TECTB: variants seen among roughly 807,000 people sequenced by gnomAD.
TECTB encodes the protein beta-tectorin.
A neutral mutation model predicts 43.3 loss-of-function variants in TECTB; 45 were observed. That is an observed-to-expected ratio of 1.04 (90% CI 0.82 to 1.33). The LOEUF is 1.33. TECTB is among the 40% of genes most tolerant of loss of function. The probability of loss-of-function intolerance (pLI) is 0.00; values close to 1 mark genes in which losing one functional copy is unlikely to be tolerated. For synonymous variants in TECTB, 169 were observed against 156.7 expected (o/e 1.08, Z -0.59); for missense variants, 399 against 404.7 (o/e 0.99, Z 0.12).
chr10:112,294,164 C>G, intron 7 of TECTB, 103 bp downstream of exon 7: 1 of 997,970 alleles, frequency 1.0e-6, no homozygotes, highest in Non-Finnish European at 1.6e-6. Context: ...GTGAAGCCTG[C>G]TGGAGTTACA....
At chr10:112,283,593 T>A in intron 1 of TECTB, 55 bp from the exon 2 acceptor site, 1 of 701,386 alleles carries the variant, frequency 1.4e-6, no homozygotes, top group Non-Finnish European at 2.4e-6. Context: ...CAAGACTGTA[T>A]GTGCGGCTTT....
At chr10:112,289,328 T>C (rs764308379) in intron 5 of TECTB, among the ~76,000 whole-genome samples, 2 of 152,054 alleles carry the variant, frequency 1.3e-5, no homozygotes, top group Non-Finnish European at 2.9e-5. Context: ...TTTAGACAGA[T>C]AGAAATGAAA....
At chr10:112,283,914 A>C in intron 2 of TECTB, 104 bp downstream of exon 2, 1 of 1,259,686 alleles carries the variant, frequency 7.9e-7, no homozygotes, top group Admixed American at 2.4e-5. Flanking sequence ...AAATGTAATG[A>C]TGTAGCCAAG....
intron 7 of TECTB, among the ~76,000 whole-genome samples, chr10:112,296,123 C>G (rs1191744061): frequency 2.0e-5 from 3 of 152,122 alleles, no homozygotes; most frequent in Non-Finnish European, 2.9e-5. Flanking sequence ...TCCACTCCCA[C>G]AATCTCCAGA....
At chr10:112,303,197 G>T in intron 10 of TECTB, 66 bp from the exon 11 acceptor site, 1 of 1,590,764 alleles carries the variant, frequency 6.3e-7, no homozygotes, top group South Asian at 1.1e-5. Flanking sequence ...TAACTCTTCT[G>T]TTGAGTTGGC....
chr10:112,283,829 C>T lies in TECTB; in HGVS notation c.76+19C>T, dbSNP rs748299181. The T allele has an allele frequency of 1.9e-6, 3 of 1,611,918 alleles. No individual in the cohort carries two copies. The highest frequency in any genetic ancestry group is 1.7e-5 in the Admixed American group (1 of 59,672). Reference sequence around the variant, plus strand: ...AAAGCAGGTATGTCCTCGCCAAGTCCATTTTCCTGGGACGAAAAGTTTCCT... The same window carrying T: ...AAAGCAGGTATGTCCTCGCCAAGTCTATTTTCCTGGGACGAAAAGTTTCCT... On this transcript the variant is annotated intron_variant, in intron 2 of 10. Coordinates refer to ENST00000646139, the MANE Select transcript of TECTB (RefSeq NM_058222.3).
Position 112,303,446 on chromosome 10 carries a change from A to G in TECTB, c.*134A>G. On this transcript the variant is annotated 3_prime_UTR_variant, in exon 11 of 11. Transcript: ENST00000646139. ...GGCAGAGAATAGCACTTTGCCAAAT[A>G]TGCACTCCAATAATTTCTGTGAATT... 1 of 1,048,534 alleles carries G rather than the reference A, an allele frequency of 9.5e-7. No homozygotes were observed. The highest frequency in any genetic ancestry group is 1.6e-5 in the African/African-American group (1 of 63,856). 65.0% of individuals were successfully genotyped at this position (1,048,534 alleles called of 1,614,324 possible).
chr10:112,291,659 A>C (rs1848500466), intron 5 of TECTB, among the ~76,000 whole-genome samples: 1 of 152,240 alleles, frequency 6.6e-6, no homozygotes, highest in African/African-American at 2.4e-5. Context: ...CAATCTTTCA[A>C]ACAGTAACCT....
intron 2 of TECTB, among the ~76,000 whole-genome samples, 180 bp downstream of exon 2, chr10:112,283,990 T>C (rs1048830253): frequency 1.3e-5 from 2 of 152,176 alleles, no homozygotes; most frequent in Admixed American, 1.3e-4. Context: ...CAAAGATGTA[T>C]TGGATAAACT....
intron 9 of TECTB, among the ~76,000 whole-genome samples, chr10:112,301,574 T>C (rs1050349538): frequency 1.3e-5 from 2 of 152,040 alleles, no homozygotes; most frequent in African/African-American, 4.8e-5. Flanking sequence ...GCTGACAAAA[T>C]GTACTATTTA....
At chr10:112,293,662 C>A in intron 5 of TECTB, 76 bp from the exon 6 acceptor site, 1 of 1,328,710 alleles carries the variant, frequency 7.5e-7, no homozygotes, top group South Asian at 1.2e-5. Flanking sequence ...CACCCCATCC[C>A]AATTCATCTG....
intron 7 of TECTB, among the ~76,000 whole-genome samples, chr10:112,297,535 AT>A (rs1381492527): frequency 1.3e-5 from 2 of 152,212 alleles, no homozygotes; most frequent in African/African-American, 4.8e-5. Context: ...CTGTGCTTAT[AT>A]TAAAAATGTG....
At position 112,294,026 on chromosome 10, in the gene TECTB, C is replaced by T. The variant is rs199639563; in HGVS notation, c.636C>T (p.Phe212=). 1.2e-6 allele frequency: 2 copies of T among 1,614,196 alleles called. No homozygotes were observed. The highest frequency in any genetic ancestry group is 1.3e-5 in the African/African-American group (1 of 75,038). The change falls in exon 7 of 11, where the codon TTC becomes TTT. Residue 212 remains phenylalanine, a synonymous_variant. Transcript: ENST00000646139. ...GTTGGGCCACCCCCTCGGCTGACTTCATGTATCCCTTGCAGTGGCAGCTGA... is the reference window on the plus strand; with the variant it reads ...GTTGGGCCACCCCCTCGGCTGACTTTATGTATCCCTTGCAGTGGCAGCTGA... ...NSCWATPSAD[F]MYPLQWQLIN... is the part of the protein sequence containing the mutation.
In TECTB at chr10:112,298,141, T is replaced by C; in HGVS notation, c.744T>C (p.Ala248=). 1 of 1,614,242 alleles carries C rather than the reference T, an allele frequency of 6.2e-7. No individual in the cohort carries two copies. ...RDHRATFQFN[A]FRFQNIPKLS... ...ACAGGGCAACCTTCCAATTCAATGC[T>C]TTCCGGTTCCAGAACATCCCCAAAC... The change falls in exon 8 of 11, where the codon GCT becomes GCC. Residue 248 remains alanine (A), a synonymous_variant. Transcript: ENST00000646139.
chr10:112,296,680 A>G (rs1427848851), intron 7 of TECTB, among the ~76,000 whole-genome samples: 3 of 152,152 alleles, frequency 2.0e-5, no homozygotes, highest in Middle Eastern at 3.2e-3. Flanking sequence ...ATACAAAGGT[A>G]CAGCATTCCC....
chr10:112,284,508 T>A (rs1848438267), intron 2 of TECTB, 27 bp from the exon 3 acceptor site: 6 of 1,552,214 alleles, frequency 3.9e-6, no homozygotes, highest in Non-Finnish European at 4.4e-6. Context: ...CCTAACTGAT[T>A]TTAAACTATA....
At chr10:112,301,111 C>T (rs1202483704) in intron 9 of TECTB, among the ~76,000 whole-genome samples, 2 of 152,226 alleles carry the variant, frequency 1.3e-5, no homozygotes, top group Non-Finnish European at 2.9e-5. Flanking sequence ...AACAATATTT[C>T]GTGACATGTA....
chr10:112,287,977 G>C (rs1008178904), intron 5 of TECTB, among the ~76,000 whole-genome samples: 1 of 152,118 alleles, frequency 6.6e-6, no homozygotes, highest in African/African-American at 2.4e-5. Context: ...CGTAGCCCTT[G>C]ACCTATAATC....
chr10:112,293,805 T>C lies in TECTB; in HGVS notation c.551T>C (p.Leu184Pro). ...GAGGCATCCGAAATCGGTTCAGATC[T>C]GTTTGCAGGAGTGGAAGCCAAAGGG... Reference protein sequence around the residue: ...VLEASEIGSDLFAGVEAKGLS... With the variant: ...VLEASEIGSDPFAGVEAKGLS... Residue 184 changes from leucine to proline, a missense_variant, in exon 6 of 11, where the codon CTG becomes CCG. Physicochemically the swap from Leu to Pro is moderately conservative, Grantham distance 98 (BLOSUM62 -3). Coordinates refer to ENST00000646139, the MANE Select transcript of TECTB (RefSeq NM_058222.3). The C allele has an allele frequency of 6.2e-7, 1 of 1,614,206 alleles. No individual in the cohort carries two copies. The highest frequency in any genetic ancestry group is 8.5e-7 in the Non-Finnish European group (1 of 1,180,032).
Sources: allele counts gnomAD v4.1 joint callset (sites outside exome capture counted in the v4.1 genomes callset), GRCh38; gene constraint gnomAD v4.1.1; transcripts MANE v1.5; gene names NCBI Gene and HGNC (gene_info 2026-07-23, HGNC 2026-07-21).